KANK3: variants seen among roughly 807,000 people sequenced by gnomAD.
The protein encoded by KANK3 is KN motif and ankyrin repeat domain-containing protein 3.
A neutral mutation model predicts 65.4 loss-of-function variants in KANK3; 61 were observed. That is an observed-to-expected ratio of 0.93 (90% CI 0.76 to 1.15). KANK3 has a LOEUF of 1.15. KANK3 is among the 50% of genes most tolerant of loss of function. The pLI is 0.00. For synonymous variants in KANK3, 586 were observed against 543.3 expected (o/e 1.08, Z -1.09); for missense variants, 1,187 against 1,178.8 (o/e 1.01, Z -0.10).
At position 8,335,500 on chromosome 19, in the gene KANK3, G is replaced by A; in HGVS notation, c.327C>T (p.Gly109=). 8.1e-7 allele frequency: 1 copy of A among 1,237,184 alleles called. No homozygotes were observed. The highest frequency in any genetic ancestry group is 1.0e-6 in the Non-Finnish European group (1 of 984,832). The allele number at this position is 1,237,184 out of a possible 1,614,324, so 76.6% of individuals were successfully genotyped here. A position where few individuals can be genotyped will look rare whatever the true frequency, so the allele number is the denominator to read the frequency against. The change falls in exon 3 of 11, where the codon GGC becomes GGT. Residue 109 remains glycine, a synonymous_variant. Coordinates refer to ENST00000330915, the MANE Select transcript of KANK3 (RefSeq NM_198471.3). ...DGGAPGILSQ[G]APSGLLMQPL... Reference sequence around the variant, plus strand: ...GCTGCATCAGGAGCCCCGAGGGCGCGCCCTGGGAGAGTATGCCCGGTGCTC... The same window carrying A: ...GCTGCATCAGGAGCCCCGAGGGCGCACCCTGGGAGAGTATGCCCGGTGCTC...
intron 8 of KANK3, 27 bp downstream of exon 8, chr19:8,324,924 A>G (rs1321881075): frequency 6.2e-7 from 1 of 1,609,032 alleles, no homozygotes; most frequent in Non-Finnish European, 8.5e-7. Flanking sequence ...CTCCTGGCTG[A>G]GAGCCACAGT....
chr19:8,335,938 C>T, intron 2 of KANK3, 146 bp from the exon 3 acceptor site: 5 of 548,582 alleles, frequency 9.1e-6, no homozygotes, highest in Non-Finnish European at 1.4e-5. Flanking sequence ...GTTTAATGAG[C>T]ACCTACTCTG....
chr19:8,333,242 A>T lies in KANK3; in HGVS notation c.1720-12T>A, dbSNP rs1287279199. On this transcript the variant is annotated splice_polypyrimidine_tract_variant and intron_variant, in intron 6 of 10. Transcript: ENST00000330915. The surrounding 1 kb of genome is among the most constrained non-coding windows in gnomAD (Gnocchi z 5.0). Reference sequence around the variant, plus strand: ...AGGCGCACTGCGCCCTGCAAGGGACAGGGGCCAAGATAACATCGGCGATGG... The same window carrying T: ...AGGCGCACTGCGCCCTGCAAGGGACTGGGGCCAAGATAACATCGGCGATGG... The T allele has an allele frequency of 6.2e-7, 1 of 1,600,334 alleles. No individual in the cohort carries two copies. Among genetic ancestry groups the T allele is most frequent in the Non-Finnish European group, 8.5e-7 (1 of 1,173,418 alleles).
chr19:8,340,223 C>T (rs2913961), intron 1 of KANK3, among the ~76,000 whole-genome samples: 89,059 of 145,592 alleles, frequency 0.61, 27,611 homozygotes, highest in African/African-American at 0.67. Flanking sequence ...GATCATGCCA[C>T]TGCACTCCAG....
In KANK3 at chr19:8,335,476, C is replaced by T; in HGVS notation, c.351G>A (p.Gln117=). The T allele has an allele frequency of 8.1e-7, 1 of 1,238,022 alleles. No homozygotes were observed. The allele number at this position is 1,238,022 out of a possible 1,614,324, so 76.7% of individuals were successfully genotyped here. A position where few individuals can be genotyped will look rare whatever the true frequency, so the allele number is the denominator to read the frequency against. ...SQGAPSGLLM[Q]PLSPRAPVRN... ...GCACGGGCGCGCGCGGCGACAGCGG[C>T]TGCATCAGGAGCCCCGAGGGCGCGC... The change falls in exon 3 of 11, where the codon CAG becomes CAA. Residue 117 remains glutamine, a synonymous_variant. Coordinates refer to ENST00000330915, the MANE Select transcript of KANK3 (RefSeq NM_198471.3).
Position 8,334,097 on chromosome 19 carries a change from C to T in KANK3, c.1447G>A (p.Glu483Lys), listed in dbSNP as rs772939814. The change falls in exon 5 of 11, where the codon GAG (glutamate) becomes AAG (lysine). Residue 483 changes from glutamate (E) to lysine (K), a missense_variant. Glu to Lys is a moderately conservative substitution (Grantham distance 56, BLOSUM62 1). Around this residue, in one of 3 missense-constraint regions of KANK3, gnomAD observed 1,078 missense variants for 1,038.2 expected, o/e 1.04. Transcript: ENST00000330915. ...LNGEYESSSS[E>K]DASDSDGDSE... ...TCGCCATCGCTGTCGCTGGCGTCCTCGCTGGAGGAGCTCTCGTACCTGGGG... is the reference window on the plus strand; with the variant it reads ...TCGCCATCGCTGTCGCTGGCGTCCTTGCTGGAGGAGCTCTCGTACCTGGGG... 6.6e-7 allele frequency: 1 copy of T among 1,522,120 alleles called. No homozygotes were observed. The highest frequency in any genetic ancestry group is 1.4e-5 in the African/African-American group (1 of 72,724). The allele number at this position is 1,522,120 out of a possible 1,614,324, so 94.3% of individuals were successfully genotyped here.
In KANK3 at chr19:8,335,379, C is replaced by T. The variant is rs1398224305; in HGVS notation, c.448G>A (p.Ala150Thr). Reference sequence around the variant, plus strand: ...GGGACCCCGCGGCCGGGGCTGGGCGCGCGCTCGTGTGTCTGCGCCAGCTCC... The same window carrying T: ...GGGACCCCGCGGCCGGGGCTGGGCGTGCGCTCGTGTGTCTGCGCCAGCTCC... The part of the protein sequence containing the change: ...RLELAQTHER[A>T]PSPGRGVPRS... The change falls in exon 3 of 11, where the codon GCG (alanine) becomes ACG (threonine). Residue 150 changes from alanine (A) to threonine (T), a missense_variant. Ala to Thr is a moderately conservative substitution (Grantham distance 58). Coordinates refer to ENST00000330915, the MANE Select transcript of KANK3 (RefSeq NM_198471.3). 8.3e-6 allele frequency: 10 copies of T among 1,198,238 alleles called. No individual in the cohort carries two copies. The highest frequency in any genetic ancestry group is 1.0e-5 in the Non-Finnish European group (10 of 966,726). 74.2% of individuals were successfully genotyped at this position (1,198,238 alleles called of 1,614,324 possible).
At chr19:8,331,464 T>C (rs538843040) in intron 7 of KANK3, among the ~76,000 whole-genome samples, 2 of 151,968 alleles carry the variant, frequency 1.3e-5, no homozygotes, top group South Asian at 4.2e-4. Context: ...GTTTAGGGGG[T>C]TGGGGGCAGG....
intron 2 of KANK3, 23 bp from the exon 3 acceptor site, chr19:8,335,815 G>T: frequency 8.2e-7 from 1 of 1,226,416 alleles, no homozygotes; most frequent in South Asian, 4.1e-5. Flanking sequence ...CGGGGGCACG[G>T]GGAGGGCGCA....
chr19:8,334,459 C>T, intron 3 of KANK3, 40 bp from the exon 4 acceptor site: 3 of 1,610,812 alleles, frequency 1.9e-6, no homozygotes, highest in Non-Finnish European at 1.7e-6. Flanking sequence ...TCGAGTCCGG[C>T]GCCGAGTAAG....
In KANK3 at chr19:8,334,113, G is replaced by T. The variant is rs762862831; in HGVS notation, c.1431C>A (p.Tyr477Ter). The T allele has an allele frequency of 1.3e-6, 2 of 1,514,072 alleles. No homozygotes were observed. The highest frequency in any genetic ancestry group is 1.8e-6 in the Non-Finnish European group (2 of 1,130,938). The allele number at this position is 1,514,072 out of a possible 1,614,324, so 93.8% of individuals were successfully genotyped here. A position where few individuals can be genotyped will look rare whatever the true frequency, so the allele number is the denominator to read the frequency against. The change falls in exon 5 of 11, where the codon TAC becomes TAA. Residue 477 changes from tyrosine to a stop codon, truncating the protein, a stop_gained. Coordinates refer to ENST00000330915, the MANE Select transcript of KANK3 (RefSeq NM_198471.3). LOFTEE classifies it high-confidence loss of function. ...TGGCGTCCTCGCTGGAGGAGCTCTC[G>T]TACCTGGGGGCAGGGTGGGAGGTGT... ...LQFVGVLNGE[Y>*]ESSSSEDASD...
intron 10 of KANK3, chr19:8,323,468 AG>A (rs1326812035): frequency 6.5e-6 from 1 of 153,306 alleles, no homozygotes; most frequent in Non-Finnish European, 1.5e-5. Context: ...TGGGAGGCTG[AG>A]GCAGGAGAAT....
In KANK3 at chr19:8,335,194, C is replaced by T. The variant is rs1970612334; in HGVS notation, c.633G>A (p.Gln211=). 3 of 1,216,694 alleles carry T rather than the reference C, an allele frequency of 2.5e-6. No individual in the cohort carries two copies. Among genetic ancestry groups the T allele is most frequent in the East Asian group, 3.5e-5 (1 of 28,180 alleles). The allele number at this position is 1,216,694 out of a possible 1,614,324, so 75.4% of individuals were successfully genotyped here. Residue 211 remains glutamine (Q), a synonymous_variant, in exon 3 of 11, where the codon CAG becomes CAA. Transcript: ENST00000330915. ...EDQARTLPEL[Q]EQVRALRAEK... ...CGGCGCGCAGCGCGCGCACCTGCTC[C>T]TGCAGCTCGGGCAGCGTTCGCGCCT...
At chr19:8,324,338 C>T (rs1970379209) in intron 10 of KANK3, 111 bp downstream of exon 10, 4 of 968,148 alleles carry the variant, frequency 4.1e-6, no homozygotes, top group East Asian at 2.6e-5. Context: ...TGGTTCTGCA[C>T]CCCTGGTGCC....
At chr19:8,325,282 C>T (rs1970405502) in intron 7 of KANK3, among the ~76,000 whole-genome samples, 186 bp from the exon 8 acceptor site, 1 of 138,656 alleles carries the variant, frequency 7.2e-6, no homozygotes, top group Non-Finnish European at 1.6e-5. Flanking sequence ...CAGTGAAGGA[C>T]CTTCCTGTTT....
chr19:8,330,554 C>A (rs1263474912), intron 7 of KANK3, among the ~76,000 whole-genome samples: 1 of 151,808 alleles, frequency 6.6e-6, no homozygotes, highest in African/African-American at 2.4e-5. Context: ...CATGGAGAAA[C>A]CCTGTCTGTA....
Position 8,322,636 on chromosome 19 carries a change from C to G in KANK3, c.*203G>C, listed in dbSNP as rs1268427818. 8.4e-6 allele frequency: 5 copies of G among 594,582 alleles called. No individual in the cohort carries two copies. Among genetic ancestry groups the G allele is most frequent in the Non-Finnish European group, 1.5e-5 (5 of 334,328 alleles). The allele number at this position is 594,582 out of a possible 1,614,324, so 36.8% of individuals were successfully genotyped here. ...GTTTCAGAGAGTGGGTGGATCAGGG[C>G]TCTATCACTTGGTCCCCACCTCACC... is the stretch of plus-strand genomic sequence containing the variant. On this transcript the variant is annotated 3_prime_UTR_variant, in exon 11 of 11. Coordinates refer to ENST00000330915, the MANE Select transcript of KANK3 (RefSeq NM_198471.3).
In KANK3 at chr19:8,335,731, C is replaced by T; in HGVS notation, c.96G>A (p.Ser32=). 1.6e-6 allele frequency: 2 copies of T among 1,246,520 alleles called. No individual in the cohort carries two copies. Among genetic ancestry groups the T allele is most frequent in the Non-Finnish European group, 2.0e-6 (2 of 990,708 alleles). The allele number at this position is 1,246,520 out of a possible 1,614,324, so 77.2% of individuals were successfully genotyped here. ...PAAGGARSPS[S]PYSVETPYGF... ...CGTAGGGCGTCTCCACCGAGTAGGG[C>T]GAGCTCGGGCTGCGTGCGCCCCCGG... The change falls in exon 3 of 11, where the codon TCG becomes TCA. Residue 32 remains serine, a synonymous_variant. Transcript: ENST00000330915.
chr19:8,339,053 T>A (rs2145441436), intron 1 of KANK3, among the ~76,000 whole-genome samples: 1 of 152,172 alleles, frequency 6.6e-6, no homozygotes, highest in South Asian at 2.1e-4. Context: ...TGTCACAGGC[T>A]TGATCCTTGG....
Sources: gnomAD v4.1 joint callset for allele counts (sites outside exome capture counted in the v4.1 genomes callset) on GRCh38, gnomAD v4.1.1 for gene constraint, gnomAD v4.1.1 regional missense constraint, Gnocchi (gnomAD v3.1) non-coding constraint, MANE v1.5 for transcripts, NCBI Gene and HGNC (gene_info 2026-07-23, HGNC 2026-07-21) for gene names.